Variants in RPTOR observed in about 807,000 individuals in gnomAD.
RPTOR encodes the protein regulatory-associated protein of mTOR.
A neutral mutation model predicts 169.9 loss-of-function variants in RPTOR; 21 were observed. The observed-to-expected ratio is 0.12, with a 90% CI of 0.09 to 0.18. The LOEUF is 0.18. Among genes scored for constraint, RPTOR ranks in the 10% least tolerant of loss-of-function variants. RPTOR has a pLI of 1.00. For synonymous variants in RPTOR, 732 were observed against 753.2 expected (o/e 0.97, Z 0.46); for missense variants, 1,133 against 1,855.9 (o/e 0.61, Z 7.16).
intron 20 of RPTOR, among the ~76,000 whole-genome samples, chr17:80,897,621 C>G (rs867190366): frequency 6.6e-6 from 1 of 152,250 alleles, no homozygotes; most frequent in Admixed American, 6.5e-5. Context: ...CGCTGCCTTA[C>G]GCTCACCAGC....
chr17:80,906,291 G>T lies in RPTOR; in HGVS notation c.2402-2520G>T, dbSNP rs1039970222. ...CAGTTCCTAGGAGCCGGCTCCGCTGGGGTAGAGGAGACTCTAGGGATGTTC... is the reference window on the plus strand; with the variant it reads ...CAGTTCCTAGGAGCCGGCTCCGCTGTGGTAGAGGAGACTCTAGGGATGTTC... On this transcript the variant is annotated intron_variant, in intron 20 of 33. Transcript: ENST00000306801. Among the ~76,000 whole-genome samples, 4 of 152,110 alleles carry T rather than the reference G, an allele frequency of 2.6e-5. No homozygotes were observed. In the East Asian group the frequency reaches 7.7e-4, roughly 29 times the overall value.
At chr17:80,763,355 A>G (rs1444916448) in intron 6 of RPTOR, among the ~76,000 whole-genome samples, 2 of 152,246 alleles carry the variant, frequency 1.3e-5, no homozygotes, top group Non-Finnish European at 1.5e-5. Flanking sequence ...GGCCAGTCCC[A>G]ATATGACTTA....
At chr17:80,909,504 G>A (rs546240905) in intron 21 of RPTOR, 1 of 152,674 alleles carries the variant, frequency 6.5e-6, no homozygotes, top group South Asian at 2.1e-4. Flanking sequence ...AAGTAGCTGG[G>A]ACTACAGGTG....
At chr17:80,877,273 C>T (rs2068131498) in intron 13 of RPTOR, among the ~76,000 whole-genome samples, 1 of 152,222 alleles carries the variant, frequency 6.6e-6, no homozygotes, top group Admixed American at 6.5e-5. Flanking sequence ...TCCCAGGTTC[C>T]TGCCTGCGGG....
chr17:80,857,899 G>A lies in RPTOR; in HGVS notation c.1508G>A (p.Ser503Asn). The change falls in exon 13 of 34, where the codon AGC becomes AAC. Residue 503 changes from serine (S) to asparagine (N), a missense_variant and splice_region_variant. This residue lies in a region of RPTOR where 289 missense variants were observed against 585.8 expected (regional missense o/e 0.49). Coordinates refer to ENST00000306801, the MANE Select transcript of RPTOR (RefSeq NM_020761.3). The part of the protein sequence containing the change: ...FIWAKILAVD[S>N]SCQADLVKDN... ...TGGGCCAAGATCCTCGCAGTGGACAGCGTGAGTATCCCCGCCCTCCTCCCC... is the reference window on the plus strand; with the variant it reads ...TGGGCCAAGATCCTCGCAGTGGACAACGTGAGTATCCCCGCCCTCCTCCCC... 1 of 1,610,592 alleles carries A rather than the reference G, an allele frequency of 6.2e-7. No individual in the cohort carries two copies. The highest frequency in any genetic ancestry group is 8.5e-7 in the Non-Finnish European group (1 of 1,177,540).
intron 2 of RPTOR, among the ~76,000 whole-genome samples, chr17:80,626,814 T>TTA (rs2065399194): frequency 6.7e-6 from 1 of 148,926 alleles, no homozygotes; most frequent in Non-Finnish European, 1.5e-5. Flanking sequence ...ATTATTATTT[T>TTA]TCATTCTAGG....
At chr17:80,557,929 A>C (rs2084431677) in intron 1 of RPTOR, among the ~76,000 whole-genome samples, 1 of 152,170 alleles carries the variant, frequency 6.6e-6, no homozygotes, top group Admixed American at 6.5e-5. Context: ...CCGTCTCAAA[A>C]AATAATAATA....
chr17:80,742,875 G>A (rs1162842031), intron 5 of RPTOR, among the ~76,000 whole-genome samples: 1 of 151,190 alleles, frequency 6.6e-6, no homozygotes, highest in Non-Finnish European at 1.5e-5. Flanking sequence ...CAGAAACATG[G>A]ACATATACAC....
chr17:80,828,090 G>A (rs1391460171), intron 9 of RPTOR, among the ~76,000 whole-genome samples: 1 of 152,190 alleles, frequency 6.6e-6, no homozygotes, highest in Non-Finnish European at 1.5e-5. Context: ...CAGAAGTGGT[G>A]TTTAACCAGG....
intron 21 of RPTOR, among the ~76,000 whole-genome samples, 192 bp downstream of exon 21, chr17:80,909,121 C>T (rs2068581222): frequency 6.6e-6 from 1 of 152,220 alleles, no homozygotes; most frequent in African/African-American, 2.4e-5. Flanking sequence ...CCCACGTGGG[C>T]AGAGGGTGCT....
At chr17:80,672,626 T>C (rs905633131) in intron 3 of RPTOR, among the ~76,000 whole-genome samples, 2 of 151,964 alleles carry the variant, frequency 1.3e-5, no homozygotes, top group African/African-American at 4.8e-5. Context: ...CTGTCTCTAC[T>C]AAAAACAGAA....
At chr17:80,670,801 C>T (rs999534173) in intron 3 of RPTOR, among the ~76,000 whole-genome samples, 4 of 152,038 alleles carry the variant, frequency 2.6e-5, no homozygotes, top group Non-Finnish European at 4.4e-5. Context: ...CCCCCCAACT[C>T]CCCCCCACAT....
chr17:80,868,206 G>A (rs1350043021), intron 13 of RPTOR, among the ~76,000 whole-genome samples: 1 of 152,156 alleles, frequency 6.6e-6, no homozygotes, highest in African/African-American at 2.4e-5. Flanking sequence ...TGTGGCAAGA[G>A]TATAGAAAGA....
At chr17:80,589,702 T>C (rs1377559786) in intron 1 of RPTOR, among the ~76,000 whole-genome samples, 1 of 152,232 alleles carries the variant, frequency 6.6e-6, no homozygotes, top group African/African-American at 2.4e-5. Context: ...AAATTGTGTG[T>C]TGTTTGTTCT....
At chr17:80,821,820 G>A (rs903744564) in intron 7 of RPTOR, among the ~76,000 whole-genome samples, 2 of 152,188 alleles carry the variant, frequency 1.3e-5, no homozygotes, top group African/African-American at 2.4e-5. Context: ...CACAGCGTTC[G>A]GTGGCTGAGG....
intron 2 of RPTOR, among the ~76,000 whole-genome samples, chr17:80,635,397 A>AT (rs749602578): frequency 2.0e-5 from 3 of 152,034 alleles, no homozygotes; most frequent in Non-Finnish European, 4.4e-5. Flanking sequence ...TGAAGAAGGG[A>AT]TTTTAGCATT....
chr17:80,640,000 A>G (rs193118968), intron 2 of RPTOR, among the ~76,000 whole-genome samples: 5 of 152,360 alleles, frequency 3.3e-5, no homozygotes, highest in African/African-American at 1.2e-4. Context: ...GGTTGGACCA[A>G]GTTCCTTTCA....
intron 2 of RPTOR, among the ~76,000 whole-genome samples, chr17:80,629,109 A>T (rs1449570742): frequency 1.4e-5 from 2 of 145,590 alleles, no homozygotes; most frequent in African/African-American, 5.2e-5. Flanking sequence ...ATCTTCTGGG[A>T]CTCAGCTCTC....
At chr17:80,594,618 G>A (rs923954748) in intron 1 of RPTOR, among the ~76,000 whole-genome samples, 23 of 152,242 alleles carry the variant, frequency 1.5e-4, no homozygotes, top group Admixed American at 7.9e-4. Flanking sequence ...CTCTGTGTGT[G>A]AAGAAGCTCG....
Sources: allele counts gnomAD v4.1 joint callset (sites outside exome capture counted in the v4.1 genomes callset), GRCh38; gene constraint gnomAD v4.1.1; regional missense constraint gnomAD v4.1.1; transcripts MANE v1.5; gene names NCBI Gene and HGNC (gene_info 2026-07-23, HGNC 2026-07-21).